CACNA2D1: variants seen among roughly 807,000 people sequenced by gnomAD.
CACNA2D1 encodes voltage-dependent calcium channel subunit alpha-2/delta-1.
CACNA2D1 carries 53 observed loss-of-function variants against 171.5 expected under a neutral mutation model. That is an observed-to-expected ratio of 0.31 (90% CI 0.25 to 0.39). The LOEUF is 0.39. Among genes scored for constraint, CACNA2D1 ranks in the 10% least tolerant of loss-of-function variants. CACNA2D1 has a pLI of 1.00. For synonymous variants in CACNA2D1, 442 were observed against 443.1 expected (o/e 1.00, Z 0.03); for missense variants, 903 against 1,299.8 (o/e 0.69, Z 4.69).
At chr7:82,347,044 T>C (rs1018487413) in intron 2 of CACNA2D1, among the ~76,000 whole-genome samples, 5 of 152,158 alleles carry the variant, frequency 3.3e-5, no homozygotes, top group Admixed American at 3.3e-4. Flanking sequence ...GGTTCAGTAA[T>C]GGAATAATCC....
At chr7:82,354,917 A>C (rs571416924) in intron 1 of CACNA2D1, among the ~76,000 whole-genome samples, 1 of 152,258 alleles carries the variant, frequency 6.6e-6, no homozygotes, top group African/African-American at 2.4e-5. Flanking sequence ...CTACTAAAAT[A>C]TTTGCTAAAA....
At chr7:82,419,670 C>T (rs983435813) in intron 1 of CACNA2D1, among the ~76,000 whole-genome samples, 5 of 152,070 alleles carry the variant, frequency 3.3e-5, no homozygotes, top group African/African-American at 1.2e-4. Context: ...ATAGCATATT[C>T]GTTATTGGGA....
chr7:82,343,617 C>T (rs1187100350), intron 2 of CACNA2D1, among the ~76,000 whole-genome samples: 1 of 152,142 alleles, frequency 6.6e-6, no homozygotes, highest in African/African-American at 2.4e-5. Flanking sequence ...TTAACATACA[C>T]AAATAACAGA....
intron 3 of CACNA2D1, among the ~76,000 whole-genome samples, chr7:82,317,748 C>G (rs1815293654): frequency 6.6e-6 from 1 of 152,004 alleles, no homozygotes; most frequent in African/African-American, 2.4e-5. Flanking sequence ...AGATGACTAG[C>G]AGACATTTGG....
At chr7:82,340,640 A>G (rs900212539) in intron 2 of CACNA2D1, among the ~76,000 whole-genome samples, 5 of 152,208 alleles carry the variant, frequency 3.3e-5, no homozygotes, top group African/African-American at 1.2e-4. Context: ...TGAATATGAA[A>G]GATGAGCTCC....
At chr7:82,372,650 G>A (rs1280740572) in intron 1 of CACNA2D1, among the ~76,000 whole-genome samples, 1 of 151,934 alleles carries the variant, frequency 6.6e-6, no homozygotes, top group Non-Finnish European at 1.5e-5. Flanking sequence ...AGACATAAAA[G>A]AGAATAATTT....
chr7:82,160,477 C>T lies in CACNA2D1; in HGVS notation c.354+10073G>A, dbSNP rs777065524. On this transcript the variant is annotated intron_variant, in intron 4 of 38. Coordinates refer to ENST00000356860, the MANE Select transcript of CACNA2D1 (RefSeq NM_000722.4). ...ATTTTTATTATTATAGAACATAAGA[C>T]AAACCTTAATGTAAAAGTAATAATT... Among the ~76,000 whole-genome samples the T allele has an allele frequency of 4.6e-5, 7 of 151,990 alleles. No individual in the cohort carries two copies. The South Asian group carries it at 1.2e-3, about 27-fold the overall frequency.
intron 3 of CACNA2D1, among the ~76,000 whole-genome samples, chr7:82,316,797 T>C (rs1815181147): frequency 6.6e-6 from 1 of 152,106 alleles, no homozygotes; most frequent in Non-Finnish European, 1.5e-5. Context: ...GCAAGAGAGA[T>C]TGTGCAGGAG....
At chr7:82,394,564 T>C (rs1477296974) in intron 1 of CACNA2D1, among the ~76,000 whole-genome samples, 1 of 152,170 alleles carries the variant, frequency 6.6e-6, no homozygotes, top group Non-Finnish European at 1.5e-5. Context: ...AGTTGTACCT[T>C]GTATTTGAGA....
intron 12 of CACNA2D1, among the ~76,000 whole-genome samples, chr7:82,031,137 T>A (rs1802644595): frequency 6.6e-6 from 1 of 151,620 alleles, no homozygotes; most frequent in African/African-American, 2.4e-5. Context: ...TTTTTTTTAA[T>A]CCAGAGAGGA....
intron 24 of CACNA2D1, among the ~76,000 whole-genome samples, chr7:81,978,052 A>T (rs932903521): frequency 1.3e-5 from 2 of 152,306 alleles, no homozygotes; most frequent in Non-Finnish European, 2.9e-5. Context: ...ATCTCATGCC[A>T]GTTAGAATGG....
chr7:82,431,532 G>A (rs1361692693), intron 1 of CACNA2D1, among the ~76,000 whole-genome samples: 3 of 152,100 alleles, frequency 2.0e-5, no homozygotes, highest in Non-Finnish European at 4.4e-5. Flanking sequence ...GCAGCCAGGC[G>A]AGATAATAGA....
intron 3 of CACNA2D1, among the ~76,000 whole-genome samples, chr7:82,217,390 C>CACATATATATATATATATATATAT (rs1402573092): frequency 7.3e-5 from 4 of 54,438 alleles, no homozygotes; most frequent in South Asian, 6.1e-4. Flanking sequence ...CACACACACA[C>CACATATATATATATATATATATAT]ATACATATAT....
At chr7:82,044,269 T>C (rs898632718) in intron 10 of CACNA2D1, among the ~76,000 whole-genome samples, 1 of 152,196 alleles carries the variant, frequency 6.6e-6, no homozygotes, top group African/African-American at 2.4e-5. Flanking sequence ...AAGGCAGGCT[T>C]TCTTTAGGGT....
intron 14 of CACNA2D1, among the ~76,000 whole-genome samples, chr7:82,012,952 G>A (rs922924453): frequency 6.6e-6 from 1 of 151,820 alleles, no homozygotes; most frequent in Non-Finnish European, 1.5e-5. Context: ...TATTTAACAG[G>A]CATGTTTTCA....
intron 20 of CACNA2D1, among the ~76,000 whole-genome samples, chr7:81,992,551 TA>T (rs1467556409): frequency 2.0e-5 from 3 of 151,974 alleles, no homozygotes; most frequent in Admixed American, 6.6e-5. Context: ...TTACTACTCA[TA>T]AAAAAACAGG....
At chr7:82,232,445 A>G (rs554424570) in intron 3 of CACNA2D1, among the ~76,000 whole-genome samples, 1 of 152,188 alleles carries the variant, frequency 6.6e-6, no homozygotes, top group East Asian at 1.9e-4. Flanking sequence ...AAGAGTAAAA[A>G]GCTAAACTTA....
intron 3 of CACNA2D1, among the ~76,000 whole-genome samples, chr7:82,225,828 G>A (rs1378860812): frequency 6.6e-6 from 1 of 152,018 alleles, no homozygotes; most frequent in Non-Finnish European, 1.5e-5. Context: ...TTTCTAAAAT[G>A]GATGTCAATA....
intron 19 of CACNA2D1, 37 bp from the exon 20 acceptor site, chr7:81,994,976 C>T: frequency 1.0e-6 from 1 of 1,000,288 alleles, no homozygotes; most frequent in Non-Finnish European, 1.6e-6. Context: ...ATTCCAGAAA[C>T]AAAGCTGACC....
Sources: allele counts gnomAD v4.1 joint callset (sites outside exome capture counted in the v4.1 genomes callset), GRCh38; gene constraint gnomAD v4.1.1; transcripts MANE v1.5; gene names NCBI Gene and HGNC (gene_info 2026-07-23, HGNC 2026-07-21).